ATP1A2: variants seen among roughly 807,000 people sequenced by gnomAD.
ATP1A2 encodes the protein sodium/potassium-transporting ATPase subunit alpha-2.
In ATP1A2, 56 loss-of-function variants were observed where a neutral mutation model predicts 113.1. The observed-to-expected ratio is 0.49, with a 90% CI of 0.40 to 0.62. The LOEUF (loss-of-function observed/expected upper bound fraction) is 0.62. ATP1A2 is among the 20% of genes least tolerant of loss of function. ATP1A2 has a pLI of 0.00. For synonymous variants in ATP1A2, 490 were observed against 526.8 expected, an observed-to-expected ratio of 0.93 and a Z score of 0.96; for missense variants, 712 against 1,357.8, an observed-to-expected ratio of 0.52 and a Z score of 7.47.
At chr1:160,116,233 ACTG>A (rs1178577086) in intron 1 of ATP1A2, among the ~76,000 whole-genome samples, 2 of 151,984 alleles carry the variant, frequency 1.3e-5, no homozygotes, top group Non-Finnish European at 2.9e-5. Flanking sequence ...GATGTTTGGC[ACTG>A]TGAGTCCTCC....
chr1:160,134,071 C>T (rs1651846021), intron 13 of ATP1A2, among the ~76,000 whole-genome samples: 1 of 147,830 alleles, frequency 6.8e-6, no homozygotes, highest in African/African-American at 2.5e-5. Flanking sequence ...ACACAATCCC[C>T]ACCCCCCACA....
chr1:160,139,762 G>C (rs1408137314), intron 21 of ATP1A2, 21 bp downstream of exon 21: 3 of 1,613,824 alleles, frequency 1.9e-6, no homozygotes, highest in East Asian at 2.2e-5. Flanking sequence ...CTTTCGGGCG[G>C]CCTGAGTAGT....
rs74507601 is a variant in ATP1A2 at position 160,140,259 on chromosome 1, C to T, written c.3034+275C>T. ...CCACAGAACATCAGAATTAGAAGGG[C>T]CTTTCCAGGTCACCTAGTCCCACGT... is the stretch of plus-strand genomic sequence containing the variant. On this transcript the variant is annotated intron_variant, in intron 22 of 22. Coordinates refer to ENST00000361216, the MANE Select transcript of ATP1A2 (RefSeq NM_000702.4). Among the ~76,000 whole-genome samples, 1,125 of 152,262 alleles carry T rather than the reference C, an allele frequency of 7.4e-3. 14 individuals are homozygous for T. The highest frequency in any genetic ancestry group is 0.025 in the African/African-American group (1,038 of 41,554).
chr1:160,136,024 C>A, intron 17 of ATP1A2, 31 bp downstream of exon 17: 1 of 1,614,112 alleles, frequency 6.2e-7, no homozygotes, highest in African/African-American at 1.3e-5. Context: ...AGGGGACAGG[C>A]AAGGCAATCG....
At chr1:160,123,670 T>A (rs1651494175) in intron 4 of ATP1A2, among the ~76,000 whole-genome samples, 1 of 152,244 alleles carries the variant, frequency 6.6e-6, no homozygotes, top group Non-Finnish European at 1.5e-5. Context: ...TAAGTGAGCC[T>A]GTCTGTGTGC....
intron 1 of ATP1A2, among the ~76,000 whole-genome samples, 187 bp downstream of exon 1, chr1:160,116,060 T>A (rs917346850): frequency 6.6e-6 from 1 of 152,096 alleles, no homozygotes; most frequent in African/African-American, 2.4e-5. Flanking sequence ...CATACCCTAG[T>A]GCTCTCCTCT....
At chr1:160,137,836 G>A (rs780255510) in intron 20 of ATP1A2, among the ~76,000 whole-genome samples, 8 of 151,880 alleles carry the variant, frequency 5.3e-5, no homozygotes, top group Non-Finnish European at 8.8e-5. Flanking sequence ...GGGAGGGTGG[G>A]GAGAAGATGC....
In ATP1A2 at chr1:160,130,410, G is replaced by GC. The variant is rs983775584; in HGVS notation, c.1652-6dup. The stretch of plus-strand genomic sequence containing the variant: ...TCTGCGGATCTCACTGATCCCTTCT[G>GC]CCCCCCTTTAGGATTCTGTCAACTG... On this transcript the variant is annotated splice_polypyrimidine_tract_variant and intron_variant, in intron 12 of 22. Coordinates refer to ENST00000361216, the MANE Select transcript of ATP1A2 (RefSeq NM_000702.4). 3 of 1,614,140 alleles carry GC rather than the reference G, an allele frequency of 1.9e-6. No homozygotes were observed. Among genetic ancestry groups the GC allele is most frequent in the African/African-American group, 1.3e-5 (1 of 75,016 alleles).
Position 160,129,310 on chromosome 1 carries a change from C to T in ATP1A2, c.1371C>T (p.Cys457=). 1 of 1,614,186 alleles carries T rather than the reference C, an allele frequency of 6.2e-7. No individual in the cohort carries two copies. Among genetic ancestry groups the T allele is most frequent in the South Asian group, 1.1e-5 (1 of 91,088 alleles). Residue 457 remains cysteine, a synonymous_variant, in exon 11 of 23, where the codon TGC becomes TGT. Transcript: ENST00000361216. ...CCTCTGAGTCAGCTCTGCTCAAGTG[C>T]ATTGAGCTCTCCTGTGGCTCAGTGA... ...GDASESALLK[C]IELSCGSVRK...
intron 7 of ATP1A2, among the ~76,000 whole-genome samples, chr1:160,126,921 A>G (rs1369975863): frequency 6.6e-5 from 10 of 152,206 alleles, no homozygotes; most frequent in Admixed American, 1.3e-4. Context: ...TTTGTTGAGC[A>G]CCCGCTATGT....
intron 13 of ATP1A2, among the ~76,000 whole-genome samples, chr1:160,132,269 A>T (rs1303272159): frequency 2.0e-5 from 3 of 152,088 alleles, no homozygotes; most frequent in Non-Finnish European, 2.9e-5. Flanking sequence ...AGACTGGAAC[A>T]CTGGGTCAGA....
At chr1:160,117,608 C>T (rs560697893) in intron 1 of ATP1A2, among the ~76,000 whole-genome samples, 4 of 152,244 alleles carry the variant, frequency 2.6e-5, no homozygotes, top group East Asian at 1.9e-4. Flanking sequence ...AACCTACCAA[C>T]GACCCCTGAA....
chr1:160,139,796 T>C (rs1211674902), intron 21 of ATP1A2, 55 bp downstream of exon 21: 4 of 1,608,878 alleles, frequency 2.5e-6, no homozygotes, highest in Non-Finnish European at 2.6e-6. Flanking sequence ...TTCAGCCCCC[T>C]CCAGGATCCA....
rs1410092631 is a variant in ATP1A2 at position 160,141,353 on chromosome 1, G to A, written c.*31G>A. 1 of 1,613,402 alleles carries A rather than the reference G, an allele frequency of 6.2e-7. No individual in the cohort carries two copies. The highest frequency in any genetic ancestry group is 1.7e-5 in the Admixed American group (1 of 60,030). ...TTGGAAGAAGAACCAGGCATGGAAA[G>A]ATGGGGAGCTCTGGAGGTGTTGTGG... On this transcript the variant is annotated 3_prime_UTR_variant, in exon 23 of 23. Transcript: ENST00000361216.
chr1:160,130,053 C>T, intron 11 of ATP1A2, 49 bp from the exon 12 acceptor site: 2 of 1,612,014 alleles, frequency 1.2e-6, no homozygotes, highest in South Asian at 1.1e-5. Flanking sequence ...CTATGCCGCG[C>T]TACCAAGACA....
rs577880031 is a variant in ATP1A2 at position 160,138,820 on chromosome 1, ACT to A, written c.2841-817_2841-816del. 2.4e-4 allele frequency among the ~76,000 whole-genome samples: 35 copies of A among 145,572 alleles called. No individual in the cohort carries two copies. In the East Asian group the frequency reaches 6.5e-3, roughly 27 times the overall value. On this transcript the variant is annotated intron_variant, in intron 20 of 22. Coordinates refer to ENST00000361216, the MANE Select transcript of ATP1A2 (RefSeq NM_000702.4). ...CGTCCAGCCTGGGCAACAGAGTGAG[ACT>A]CTGTCTCAGAAAAAAAAAGTGGAGT...
Position 160,135,830 on chromosome 1 carries a change from T to TC in ATP1A2, c.2285-5dup. 6.2e-7 allele frequency: 1 copy of TC among 1,613,952 alleles called. No individual in the cohort carries two copies. The highest frequency in any genetic ancestry group is 1.1e-5 in the South Asian group (1 of 91,062). ...TGACCTCCCTGATGCCCTCAGAATC[T>TC]CCCCACAGGCCGCCTGATCTTTGAC... On this transcript the variant is annotated splice_polypyrimidine_tract_variant and intron_variant, in intron 16 of 22. Transcript: ENST00000361216. The surrounding 1 kb of genome is among the most constrained non-coding windows in gnomAD (Gnocchi z 6.3).
chr1:160,118,059 G>A (rs536572019), intron 1 of ATP1A2, among the ~76,000 whole-genome samples: 2 of 152,038 alleles, frequency 1.3e-5, no homozygotes, highest in Non-Finnish European at 2.9e-5. Flanking sequence ...TGAGATCTTT[G>A]CCAGGACAGG....
At position 160,136,733 on chromosome 1, in the gene ATP1A2, AAC is replaced by A. The variant is rs1255063688; in HGVS notation, c.2709+22_2709+23del. 6.2e-7 allele frequency: 1 copy of A among 1,613,960 alleles called. No individual in the cohort carries two copies. Among genetic ancestry groups the A allele is most frequent in the African/African-American group, 1.3e-5 (1 of 74,906 alleles). On this transcript the variant is annotated intron_variant, in intron 19 of 22. Coordinates refer to ENST00000361216, the MANE Select transcript of ATP1A2 (RefSeq NM_000702.4). The stretch of plus-strand genomic sequence containing the variant: ...AGGAGTGGGTGAGTGGTGCTGTGTA[AAC>A]ACAGCGCACATGTGTGAAGGTACGG...
Sources: gnomAD v4.1 joint callset for allele counts (sites outside exome capture counted in the v4.1 genomes callset) on GRCh38, gnomAD v4.1.1 for gene constraint, Gnocchi (gnomAD v3.1) non-coding constraint, MANE v1.5 for transcripts, NCBI Gene and HGNC (gene_info 2026-07-23, HGNC 2026-07-21) for gene names.